Variants in BAZ2B observed in about 807,000 individuals in gnomAD.
BAZ2B encodes bromodomain adjacent to zinc finger domain 2B.
BAZ2B carries 91 observed loss-of-function variants against 246.0 expected under a neutral mutation model. The ratio of observed to expected loss-of-function variants is 0.37; its 90% confidence interval spans 0.31 to 0.44. BAZ2B has a LOEUF of 0.44. Among genes scored for constraint, BAZ2B ranks in the 20% least tolerant of loss-of-function variants. The pLI is 1.00. For missense variants in BAZ2B, 2,332 were observed against 2,533.7 expected (o/e 0.92, Z 1.71); for synonymous variants, 855 against 860.0 (o/e 0.99, Z 0.10).
In BAZ2B at chr2:159,540,878, G is replaced by C. The variant is rs1198055104; in HGVS notation, c.-3+14945C>G. ...CTAATGTTCACTGTTGAAAACTGTG[G>C]TTCACCTGTTTACTGAGAAGCAACA... is the stretch of plus-strand genomic sequence containing the variant. On this transcript the variant is annotated intron_variant, in intron 2 of 36. Transcript: ENST00000392783. Among the ~76,000 whole-genome samples the C allele has an allele frequency of 6.6e-5, 10 of 152,238 alleles. No individual in the cohort carries two copies. In the East Asian group the frequency reaches 1.5e-3, roughly 24 times the overall value.
chr2:159,393,180 G>A (rs1250191930), intron 20 of BAZ2B, among the ~76,000 whole-genome samples: 1 of 152,090 alleles, frequency 6.6e-6, no homozygotes, highest in Non-Finnish European at 1.5e-5. Flanking sequence ...GAGAGGCAGA[G>A]GTCAGTGGGA....
At chr2:159,650,508 A>G in the BAZ2B span, among the ~76,000 whole-genome samples, 1 of 152,134 alleles carries the variant, frequency 6.6e-6, no homozygotes, top group Non-Finnish European at 1.5e-5. Flanking sequence ...GTAGGTGGCA[A>G]AAGGCACTAT....
intron 16 of BAZ2B, among the ~76,000 whole-genome samples, chr2:159,401,864 A>C (rs903495562): frequency 6.6e-6 from 1 of 152,166 alleles, no homozygotes; most frequent in Non-Finnish European, 1.5e-5. Flanking sequence ...GAAAACTCAA[A>C]GTTTCCTACT....
intron 3 of BAZ2B, chr2:159,459,482 T>C (rs1365774584): frequency 1.3e-5 from 2 of 152,228 alleles, no homozygotes; most frequent in Non-Finnish European, 2.9e-5. Context: ...TGTCACTTTG[T>C]GGCTTTAATC....
chr2:159,408,875 C>T (rs1206534334), intron 14 of BAZ2B, among the ~76,000 whole-genome samples: 2 of 151,862 alleles, frequency 1.3e-5, no homozygotes, highest in African/African-American at 2.4e-5. Flanking sequence ...GCTGAGATCG[C>T]GCCATTGCAC....
intron 6 of BAZ2B, among the ~76,000 whole-genome samples, chr2:159,443,563 C>T (rs1365240739): frequency 6.6e-6 from 1 of 152,050 alleles, no homozygotes; most frequent in Non-Finnish European, 1.5e-5. Context: ...AGTTCCAATG[C>T]CCTTTATCTC....
At position 159,415,302 on chromosome 2, in the gene BAZ2B, G is replaced by A. The variant is rs1235072089; in HGVS notation, c.2467-2757C>T. On this transcript the variant is annotated intron_variant, in intron 13 of 36. Transcript: ENST00000392783. ...TCTACTAAAAATACAAAAATTAGCC[G>A]GGCGTGGTGGTGTGCACCTGTAGTC... Among the ~76,000 whole-genome samples the A allele has an allele frequency of 6.6e-5, 10 of 151,954 alleles. 1 individual carries two copies. The highest frequency in any genetic ancestry group is 4.2e-4 in the South Asian group (2 of 4,800).
At chr2:159,487,518 C>A (rs1053916044) in intron 2 of BAZ2B, among the ~76,000 whole-genome samples, 2 of 152,124 alleles carry the variant, frequency 1.3e-5, no homozygotes, top group African/African-American at 2.4e-5. Context: ...TTTCACTGTT[C>A]CCTGGTCTTT....
At chr2:159,317,798 A>T (rs2062266558), downstream of BAZ2B, among the ~76,000 whole-genome samples, 1 of 151,608 alleles carries the variant, frequency 6.6e-6, no homozygotes, top group Non-Finnish European at 1.5e-5. Flanking sequence ...TACTGGTTTT[A>T]TTGAGAATAA....
At chr2:159,665,089 C>A in the BAZ2B span, among the ~76,000 whole-genome samples, 1 of 130,688 alleles carries the variant, frequency 7.7e-6, no homozygotes, top group Non-Finnish European at 1.6e-5. Context: ...CATGGGTGAA[C>A]TCCCATTCAC....
At chr2:159,446,520 C>A (rs975407832) in intron 6 of BAZ2B, among the ~76,000 whole-genome samples, 4 of 152,140 alleles carry the variant, frequency 2.6e-5, no homozygotes, top group African/African-American at 9.7e-5. Flanking sequence ...GTAGCTACTT[C>A]ATTTCGGATA....
At chr2:159,556,398 G>A (rs1230397853) in intron 1 of BAZ2B, among the ~76,000 whole-genome samples, 1 of 140,636 alleles carries the variant, frequency 7.1e-6, no homozygotes, top group African/African-American at 3.2e-5. Context: ...TTTAGAACAG[G>A]AAAAAACTAT....
rs1234904617 is a variant in BAZ2B, at chr2:159,440,514, C to CTGTTT, written c.697-1303_697-1302insAAACA. Among the ~76,000 whole-genome samples the CTGTTT allele has an allele frequency of 4.9e-5, 3 of 61,416 alleles. 1 individual carries two copies. Among genetic ancestry groups the CTGTTT allele is most frequent in the Non-Finnish European group, 1.1e-4 (2 of 17,630 alleles). 40.3% of individuals were successfully genotyped at this position (61,416 alleles called of 152,430 possible). On this transcript the variant is annotated intron_variant, in intron 6 of 36. Coordinates refer to ENST00000392783, the MANE Select transcript of BAZ2B (RefSeq NM_013450.4). ...CCATTATATTCCGTTTGCAATGACT[C>CTGTTT]TTGTTTTTTTTTTTTTTTTTCGGGG...
chr2:159,506,875 G>A (rs2082384814), intron 2 of BAZ2B, among the ~76,000 whole-genome samples: 1 of 152,156 alleles, frequency 6.6e-6, no homozygotes, highest in African/African-American at 2.4e-5. Context: ...AAGAGAAAGA[G>A]TAATTCAAGC....
intron 13 of BAZ2B, among the ~76,000 whole-genome samples, chr2:159,422,968 GA>G (rs753314084): frequency 2.4e-4 from 36 of 152,120 alleles, no homozygotes; most frequent in Admixed American, 5.9e-4. Context: ...AATCATTAAA[GA>G]AATGCAAATC....
At chr2:159,629,150 C>A in the BAZ2B span, among the ~76,000 whole-genome samples, 1 of 152,124 alleles carries the variant, frequency 6.6e-6, no homozygotes, top group South Asian at 2.1e-4. Flanking sequence ...GTTAGAATGG[C>A]AATCATTAAA....
At chr2:159,316,607 G>A (rs1268636708), downstream of BAZ2B, among the ~76,000 whole-genome samples, 2 of 138,678 alleles carry the variant, frequency 1.4e-5, no homozygotes, top group Non-Finnish European at 3.1e-5. Context: ...GGAGAATGGT[G>A]TGAACCCAGG....
At chr2:159,675,039 G>C in the BAZ2B span, among the ~76,000 whole-genome samples, 1 of 152,228 alleles carries the variant, frequency 6.6e-6, no homozygotes. Flanking sequence ...TACCTCACTG[G>C]AAGAGAAGGA....
intron 13 of BAZ2B, among the ~76,000 whole-genome samples, chr2:159,414,289 G>T (rs1364822236): frequency 1.3e-5 from 2 of 152,048 alleles, no homozygotes; most frequent in Non-Finnish European, 2.9e-5. Context: ...GAGGAGAGGG[G>T]CAAGGGAGTG....
Sources: allele counts gnomAD v4.1 joint callset (sites outside exome capture counted in the v4.1 genomes callset), GRCh38; gene constraint gnomAD v4.1.1; transcripts MANE v1.5; gene names NCBI Gene and HGNC (gene_info 2026-07-23, HGNC 2026-07-21).